Variants in ZNF438 observed in about 807,000 individuals in gnomAD.
ZNF438 encodes the protein zinc finger protein 438.
ZNF438 carries 25 observed loss-of-function variants against 38.0 expected under a neutral mutation model. The ratio of observed to expected loss-of-function variants is 0.66; its 90% CI spans 0.48 to 0.92. The LOEUF (loss-of-function observed/expected upper bound fraction) is 0.92, where lower values mean the gene tolerates loss of function less well. Among genes scored for constraint, ZNF438 ranks in the 40% least tolerant of loss-of-function variants. The pLI is 0.00. For synonymous variants in ZNF438, 372 were observed against 364.1 expected, an observed-to-expected ratio of 1.02 and a Z score of -0.25; for missense variants, 1,007 against 999.6, an observed-to-expected ratio of 1.01 and a Z score of -0.10.
chr10:30,997,593 C>A (rs1220637015), intron 1 of ZNF438, among the ~76,000 whole-genome samples: 1 of 144,578 alleles, frequency 6.9e-6, no homozygotes, highest in Non-Finnish European at 1.5e-5. Flanking sequence ...TTTTTTTTTA[C>A]CTTGGGAGGA....
At chr10:30,890,099 A>G (rs999108898) in intron 3 of ZNF438, among the ~76,000 whole-genome samples, 10 of 149,970 alleles carry the variant, frequency 6.7e-5, no homozygotes, top group East Asian at 3.9e-4. Flanking sequence ...AAAAAAAAAA[A>G]AAAAGAAAAA....
At chr10:30,849,044 G>A (rs369388016) in exon 5 of ZNF438, 10 of 1,614,078 alleles carry the variant, frequency 6.2e-6, no homozygotes, top group African/African-American at 2.7e-5. Context: ...CTGTAGTGTA[G>A]TTGGAGAAGC....
intron 3 of ZNF438, among the ~76,000 whole-genome samples, chr10:30,886,294 T>C (rs1015338172): frequency 3.3e-5 from 5 of 152,208 alleles, no homozygotes; most frequent in African/African-American, 1.2e-4. Context: ...ACTGCCTGGA[T>C]GAACTTGTAA....
chr10:30,943,036 TA>T (rs2046984817), intron 1 of ZNF438, among the ~76,000 whole-genome samples: 1 of 152,164 alleles, frequency 6.6e-6, no homozygotes, highest in African/African-American at 2.4e-5. Flanking sequence ...AATTAACCAA[TA>T]AATTTTAGTC....
At chr10:30,901,248 T>C (rs79440926) in intron 3 of ZNF438, among the ~76,000 whole-genome samples, 2,451 of 152,298 alleles carry the variant, frequency 0.016, 61 homozygotes, top group African/African-American at 0.056. Flanking sequence ...TCTTCAGGGA[T>C]CATATGAAAA....
intron 5 of ZNF438, 117 bp from the exon 7 acceptor site, chr10:30,845,690 G>A (rs2031850210): frequency 2.3e-6 from 3 of 1,284,752 alleles, no homozygotes; most frequent in Non-Finnish European, 3.2e-6. Context: ...AAAGACAAGG[G>A]CTGGGGTAAA....
At chr10:31,028,100 T>C (rs964201276) in intron 1 of ZNF438, among the ~76,000 whole-genome samples, 4 of 152,086 alleles carry the variant, frequency 2.6e-5, no homozygotes, top group Admixed American at 2.0e-4. Context: ...TAATCTGCAA[T>C]TCCACCTACA....
intron 1 of ZNF438, among the ~76,000 whole-genome samples, chr10:30,944,879 T>C (rs2047204694): frequency 6.6e-6 from 1 of 152,222 alleles, no homozygotes; most frequent in Admixed American, 6.5e-5. Flanking sequence ...ATCCCTTATA[T>C]ATTTCCTGGA....
In ZNF438 at chr10:31,022,032, T is replaced by C. The variant is rs537469258; in HGVS notation, c.-192+9801A>G. On this transcript the variant is annotated intron_variant, in intron 1 of 5. Transcript: ENST00000413025. ...GGACCTGAAGGAAAATTTTTTAAAATTGTCATTTTGAAGTGCCATCTTATA... is the reference window on the plus strand; with the variant it reads ...GGACCTGAAGGAAAATTTTTTAAAACTGTCATTTTGAAGTGCCATCTTATA... Among the ~76,000 whole-genome samples, 5 of 152,244 alleles carry C rather than the reference T, an allele frequency of 3.3e-5. No individual in the cohort carries two copies. The East Asian group carries it at 7.7e-4, about 24-fold the overall frequency.
chr10:30,873,607 G>A (rs1271705011), intron 4 of ZNF438, among the ~76,000 whole-genome samples: 2 of 152,166 alleles, frequency 1.3e-5, no homozygotes, highest in East Asian at 1.9e-4. Context: ...GATTTTCAAA[G>A]TATGTCATAC....
chr10:31,024,472 C>T (rs1564363605), intron 1 of ZNF438, among the ~76,000 whole-genome samples: 1 of 152,066 alleles, frequency 6.6e-6, no homozygotes, highest in African/African-American at 2.4e-5. Flanking sequence ...TAAAAAAATA[C>T]AAAAAATTAG....
chr10:30,985,160 C>T (rs1438648103), intron 1 of ZNF438, among the ~76,000 whole-genome samples: 1 of 152,112 alleles, frequency 6.6e-6, no homozygotes, highest in Non-Finnish European at 1.5e-5. Flanking sequence ...TTAAAGACAG[C>T]ACCCAGGCAC....
intron 2 of ZNF438, among the ~76,000 whole-genome samples, chr10:30,934,159 G>GAAAAAGA (rs1554859944): frequency 2.1e-5 from 3 of 144,450 alleles, no homozygotes; most frequent in Admixed American, 6.9e-5. Flanking sequence ...AAAAGAAAAA[G>GAAAAAGA]AAAAAAAAAA....
intron 2 of ZNF438, among the ~76,000 whole-genome samples, chr10:30,936,147 G>C (rs2046233369): frequency 6.6e-6 from 1 of 152,106 alleles, no homozygotes; most frequent in Non-Finnish European, 1.5e-5. Context: ...AGTTTCTATT[G>C]CCAACTCGAC....
chr10:30,848,790 T>C (rs1271075861), exon 5 of ZNF438: 5 of 1,614,222 alleles, frequency 3.1e-6, no homozygotes, highest in Non-Finnish European at 4.2e-6. Flanking sequence ...TTGCGACAAA[T>C]CCGACAACTG....
chr10:30,848,290 G>C (rs915094918), intron 5 of ZNF438, among the ~76,000 whole-genome samples: 8 of 152,168 alleles, frequency 5.3e-5, no homozygotes, highest in African/African-American at 1.9e-4. Flanking sequence ...TACTTGTAAA[G>C]ACCACTGGAA....
chr10:31,018,473 A>C (rs963739131), intron 1 of ZNF438, among the ~76,000 whole-genome samples: 35 of 152,232 alleles, frequency 2.3e-4, no homozygotes, highest in Non-Finnish European at 4.3e-4. Flanking sequence ...TAGAGGTGAC[A>C]GTCTCACTGA....
intron 2 of ZNF438, among the ~76,000 whole-genome samples, chr10:30,916,868 T>C (rs2043695715): frequency 6.6e-6 from 1 of 152,262 alleles, no homozygotes; most frequent in Admixed American, 6.5e-5. Context: ...ATGTATTATA[T>C]GGTTGATTCA....
At chr10:30,900,565 C>A (rs1471904185) in intron 3 of ZNF438, among the ~76,000 whole-genome samples, 2 of 152,196 alleles carry the variant, frequency 1.3e-5, no homozygotes, top group Admixed American at 1.3e-4. Context: ...ACGCTAATTT[C>A]TTTAATTCTC....
Sources: gnomAD v4.1 joint callset for allele counts (sites outside exome capture counted in the v4.1 genomes callset) on GRCh38, gnomAD v4.1.1 for gene constraint, MANE v1.5 for transcripts, NCBI Gene and HGNC (gene_info 2026-07-23, HGNC 2026-07-21) for gene names.